The following ASB7 variants were observed in gnomAD, a reference collection of about 807,000 sequenced individuals.
The protein encoded by ASB7 is ankyrin repeat and SOCS box protein 7.
A neutral mutation model predicts 32.5 loss-of-function variants in ASB7; 4 were observed. That is an observed-to-expected ratio of 0.12 (90% confidence interval 0.06 to 0.28). The LOEUF (loss-of-function observed/expected upper bound fraction) is 0.28. Among genes scored for constraint, ASB7 ranks in the 10% least tolerant of loss-of-function variants. The probability of loss-of-function intolerance (pLI) is 1.00; values close to 1 mark genes in which losing one functional copy is unlikely to be tolerated. For missense variants in ASB7, 181 were observed against 407.1 expected, an observed-to-expected ratio of 0.44 and a Z score of 4.78; for synonymous variants, 172 against 155.6, an observed-to-expected ratio of 1.11 and a Z score of -0.78.
chr15:100,633,319 G>A (rs1339609340), intron 5 of ASB7, among the ~76,000 whole-genome samples: 1 of 152,124 alleles, frequency 6.6e-6, no homozygotes, highest in African/African-American at 2.4e-5. Context: ...GCTCATGCCT[G>A]TAATCCTAGC....
At chr15:100,613,972 CAT>C (rs1190311635) in intron 4 of ASB7, among the ~76,000 whole-genome samples, 1 of 152,066 alleles carries the variant, frequency 6.6e-6, no homozygotes, top group African/African-American at 2.4e-5. Context: ...TACATGGACT[CAT>C]AGAAATTCAG....
chr15:100,632,211 T>C (rs1006715693), intron 5 of ASB7, among the ~76,000 whole-genome samples: 1 of 152,222 alleles, frequency 6.6e-6, no homozygotes, highest in East Asian at 1.9e-4. Context: ...GGAGCAGAGC[T>C]GTGCGCCTAG....
intron 4 of ASB7, among the ~76,000 whole-genome samples, chr15:100,628,400 G>GT (rs2039857963): frequency 6.6e-6 from 1 of 152,236 alleles, no homozygotes; most frequent in South Asian, 2.1e-4. Flanking sequence ...GTATGTATGT[G>GT]TAGGTGTGTG....
At position 100,615,798 on chromosome 15, in the gene ASB7, A is replaced by G. The variant is rs1484902993; in HGVS notation, c.211+3371A>G. Among the ~76,000 whole-genome samples the G allele has an allele frequency of 3.3e-5, 5 of 151,626 alleles. No homozygotes were observed. The East Asian group carries it at 7.7e-4, about 23-fold the overall frequency. On this transcript the variant is annotated intron_variant, in intron 4 of 5. Transcript: ENST00000332783. ...CCTCCTCTTGATTTTTTCACATAAC[A>G]GTTAATTTCGTGATAGTTCCTTATC...
At position 100,651,386 on chromosome 15, in the gene ASB7, G is replaced by T. The variant is rs2040031193; in HGVS notation, c.*2924G>T. The T allele has an allele frequency of 6.6e-6, 1 of 152,112 alleles. No individual in the cohort carries two copies. The highest frequency in any genetic ancestry group is 1.5e-5 in the Non-Finnish European group (1 of 68,030). 9.4% of individuals were successfully genotyped at this position (152,112 alleles called of 1,614,324 possible). A position where few individuals can be genotyped will look rare whatever the true frequency, so the allele number is the denominator to read the frequency against. Reference sequence around the variant, plus strand: ...TGCTTGGAACAGCATTTCCACTAGAGAATCCAGCGTTCTGGCAGTAGCAAG... The same window carrying T: ...TGCTTGGAACAGCATTTCCACTAGATAATCCAGCGTTCTGGCAGTAGCAAG... On this transcript the variant is annotated 3_prime_UTR_variant, in exon 6 of 6. Coordinates refer to ENST00000332783, the MANE Select transcript of ASB7 (RefSeq NM_198243.3).
intron 5 of ASB7, among the ~76,000 whole-genome samples, chr15:100,643,672 T>G (rs1272698760): frequency 6.6e-6 from 1 of 151,180 alleles, no homozygotes; most frequent in Non-Finnish European, 1.5e-5. Flanking sequence ...TTTATATTTT[T>G]TTAGTAGAGA....
At chr15:100,611,109 A>G (rs558524806) in intron 3 of ASB7, among the ~76,000 whole-genome samples, 4 of 152,308 alleles carry the variant, frequency 2.6e-5, no homozygotes, top group Admixed American at 2.0e-4. Context: ...CAGTGGCACA[A>G]TCACAGCTCA....
chr15:100,648,685 G>A lies in ASB7; in HGVS notation c.*223G>A. 1 of 388,722 alleles carries A rather than the reference G, an allele frequency of 2.6e-6. No individual in the cohort carries two copies. Among genetic ancestry groups the A allele is most frequent in the Non-Finnish European group, 4.6e-6 (1 of 219,502 alleles). The allele number at this position is 388,722 out of a possible 1,614,324, so 24.1% of individuals were successfully genotyped here. Reference sequence around the variant, plus strand: ...CCACATGCTTGAAGGTCTTAATTTGGTTTCTTGGTCCAAGTTTAAGAGGTC... The same window carrying A: ...CCACATGCTTGAAGGTCTTAATTTGATTTCTTGGTCCAAGTTTAAGAGGTC... On this transcript the variant is annotated 3_prime_UTR_variant, in exon 6 of 6. Coordinates refer to ENST00000332783, the MANE Select transcript of ASB7 (RefSeq NM_198243.3).
intron 4 of ASB7, among the ~76,000 whole-genome samples, chr15:100,621,238 T>C (rs1440633682): frequency 6.6e-6 from 1 of 152,212 alleles, no homozygotes; most frequent in Non-Finnish European, 1.5e-5. Flanking sequence ...AGATTAAATA[T>C]AATTCTTTTA....
chr15:100,644,171 T>C (rs1482505885), intron 5 of ASB7, among the ~76,000 whole-genome samples: 1 of 152,126 alleles, frequency 6.6e-6, no homozygotes, highest in African/African-American at 2.4e-5. Flanking sequence ...TAGCTTGAAC[T>C]TGGGAGATGG....
chr15:100,644,978 G>A (rs1310208048), intron 5 of ASB7, among the ~76,000 whole-genome samples: 3 of 152,242 alleles, frequency 2.0e-5, no homozygotes, highest in Non-Finnish European at 4.4e-5. Flanking sequence ...AAAAGCGTAT[G>A]TTCATACAGG....
intron 5 of ASB7, among the ~76,000 whole-genome samples, chr15:100,641,174 C>T (rs1395898223): frequency 6.6e-6 from 1 of 152,316 alleles, no homozygotes; most frequent in East Asian, 1.9e-4. Flanking sequence ...TCTTTATTCT[C>T]TTTCTCTGCC....
At chr15:100,603,577 C>T (rs1450246846) in intron 2 of ASB7, among the ~76,000 whole-genome samples, 1 of 152,144 alleles carries the variant, frequency 6.6e-6, no homozygotes, top group African/African-American at 2.4e-5. Context: ...TACACTGTGC[C>T]ATTTACTCTG....
intron 2 of ASB7, chr15:100,609,484 G>C (rs1473427589): frequency 1.3e-5 from 2 of 152,098 alleles, no homozygotes; most frequent in African/African-American, 2.4e-5. Context: ...TTCTCAAATA[G>C]CTGCATTTTG....
At position 100,648,596 on chromosome 15, in the gene ASB7, T is replaced by C. The variant is rs2040011478; in HGVS notation, c.*134T>C. 1 of 724,244 alleles carries C rather than the reference T, an allele frequency of 1.4e-6. No homozygotes were observed. The highest frequency in any genetic ancestry group is 2.1e-6 in the Non-Finnish European group (1 of 480,066). The allele number at this position is 724,244 out of a possible 1,614,324, so 44.9% of individuals were successfully genotyped here. ...AAAGCAGGTATACACTTTTGGGTTTTCTGTTTGTTTGGTTGGTTTTCATTG... is the reference window on the plus strand; with the variant it reads ...AAAGCAGGTATACACTTTTGGGTTTCCTGTTTGTTTGGTTGGTTTTCATTG... On this transcript the variant is annotated 3_prime_UTR_variant, in exon 6 of 6. Coordinates refer to ENST00000332783, the MANE Select transcript of ASB7 (RefSeq NM_198243.3).
intron 5 of ASB7, among the ~76,000 whole-genome samples, chr15:100,639,748 T>C (rs191332441): frequency 2.0e-4 from 30 of 152,326 alleles, no homozygotes; most frequent in East Asian, 1.9e-3. Flanking sequence ...CTTTTAGAAA[T>C]AAATAGTACA....
chr15:100,639,481 TA>T (rs1194246757), intron 5 of ASB7, among the ~76,000 whole-genome samples: 1 of 152,180 alleles, frequency 6.6e-6, no homozygotes, highest in Admixed American at 6.5e-5. Context: ...TTTCTCAGGT[TA>T]AACCCCATAT....
At chr15:100,620,405 G>T (rs1237076803) in intron 4 of ASB7, among the ~76,000 whole-genome samples, 1 of 152,230 alleles carries the variant, frequency 6.6e-6, no homozygotes, top group Non-Finnish European at 1.5e-5. Context: ...ACACTGGCCT[G>T]TGCATACAAG....
intron 5 of ASB7, among the ~76,000 whole-genome samples, chr15:100,640,564 C>T (rs974037991): frequency 1.3e-5 from 2 of 152,264 alleles, no homozygotes; most frequent in East Asian, 1.9e-4. Flanking sequence ...ATCCAGAGGA[C>T]GCAAATCTTT....
Sources: gnomAD v4.1 joint callset for allele counts (sites outside exome capture counted in the v4.1 genomes callset) on GRCh38, gnomAD v4.1.1 for gene constraint, MANE v1.5 for transcripts, NCBI Gene and HGNC (gene_info 2026-07-23, HGNC 2026-07-21) for gene names.